Variants in MACROD2 observed in about 807,000 individuals in gnomAD.
MACROD2 encodes the protein mono-ADP ribosylhydrolase 2.
MACROD2 carries 36 observed loss-of-function variants against 70.4 expected under a neutral mutation model. That is an observed-to-expected ratio of 0.51 (90% CI 0.39 to 0.68). MACROD2 has a LOEUF of 0.68. Ranked by LOEUF, MACROD2 falls within the 30% of genes least tolerant of loss-of-function variation. MACROD2 has a pLI of 0.00. For synonymous variants in MACROD2, 172 were observed against 178.8 expected (o/e 0.96, Z 0.30); for missense variants, 496 against 538.4 (o/e 0.92, Z 0.78).
At chr20:15,241,576 C>T (rs891617435) in intron 6 of MACROD2, among the ~76,000 whole-genome samples, 40 of 152,044 alleles carry the variant, frequency 2.6e-4, no homozygotes, top group African/African-American at 9.2e-4. Context: ...AACTATGTAA[C>T]CAGGCCTGTA....
chr20:15,270,195 T>C (rs1016641397), intron 6 of MACROD2, among the ~76,000 whole-genome samples: 1 of 149,152 alleles, frequency 6.7e-6, no homozygotes, highest in Admixed American at 6.7e-5. Context: ...GTGTTTTCGG[T>C]CGCTTTATTT....
chr20:15,707,245 C>G (rs1257619781), intron 8 of MACROD2, among the ~76,000 whole-genome samples: 2 of 152,186 alleles, frequency 1.3e-5, no homozygotes, highest in East Asian at 3.8e-4. Context: ...CCCCAGAGAT[C>G]AATTAGCTCA....
At chr20:14,966,994 T>A (rs1430800976) in intron 5 of MACROD2, among the ~76,000 whole-genome samples, 1 of 151,680 alleles carries the variant, frequency 6.6e-6, no homozygotes, top group East Asian at 1.9e-4. Flanking sequence ...AAATAATTTA[T>A]GGTATGTGTG....
intron 8 of MACROD2, among the ~76,000 whole-genome samples, chr20:15,545,498 G>A (rs948685164): frequency 6.6e-6 from 1 of 152,214 alleles, no homozygotes; most frequent in African/African-American, 2.4e-5. Flanking sequence ...TAATCTTGGA[G>A]TGAGTCTGTT....
intron 5 of MACROD2, among the ~76,000 whole-genome samples, chr20:14,834,385 G>A (rs918303134): frequency 6.6e-6 from 1 of 151,792 alleles, no homozygotes; most frequent in African/African-American, 2.4e-5. Flanking sequence ...GGGCTAATTG[G>A]GCCTTGTCAT....
At chr20:14,454,675 C>T (rs1285996045) in intron 3 of MACROD2, among the ~76,000 whole-genome samples, 1 of 151,186 alleles carries the variant, frequency 6.6e-6, no homozygotes, top group Non-Finnish European at 1.5e-5. Flanking sequence ...ATTAAGAAAG[C>T]TAAGGCCCAG....
At chr20:15,313,959 G>A (rs1434533368) in intron 6 of MACROD2, among the ~76,000 whole-genome samples, 1 of 151,976 alleles carries the variant, frequency 6.6e-6, no homozygotes, top group Admixed American at 6.6e-5. Flanking sequence ...TTATTTTGTG[G>A]GTCTAATGAG....
chr20:14,544,233 T>G (rs1449817594), intron 4 of MACROD2, among the ~76,000 whole-genome samples: 1 of 115,756 alleles, frequency 8.6e-6, no homozygotes, highest in Non-Finnish European at 1.7e-5. Context: ...GATTCCTTCT[T>G]TTTTTTTTTT....
At chr20:15,176,181 AG>A (rs2076460330) in intron 5 of MACROD2, among the ~76,000 whole-genome samples, 1 of 152,144 alleles carries the variant, frequency 6.6e-6, no homozygotes, top group Admixed American at 6.5e-5. Flanking sequence ...GAAGCAAAGG[AG>A]GGGCTGAGGG....
chr20:14,701,213 T>G (rs1174117784), intron 5 of MACROD2, among the ~76,000 whole-genome samples: 1 of 152,204 alleles, frequency 6.6e-6, no homozygotes. Context: ...GCCTTTTGTA[T>G]TTCCATATGT....
intron 8 of MACROD2, among the ~76,000 whole-genome samples, chr20:15,687,008 T>C (rs6110738): frequency 4.3e-5 from 3 of 69,192 alleles, no homozygotes; most frequent in Middle Eastern, 6.0e-3. Context: ...TTTTTTTTTC[T>C]TTTTTTTTTG....
chr20:14,757,593 A>G, intron 5 of MACROD2: 1 of 1,116,040 alleles, frequency 9.0e-7, no homozygotes, highest in Non-Finnish European at 1.3e-6. Flanking sequence ...CCAGATTGCC[A>G]TTTATGACTC....
intron 3 of MACROD2, among the ~76,000 whole-genome samples, chr20:14,450,897 C>T (rs927465771): frequency 5.3e-5 from 8 of 152,036 alleles, no homozygotes; most frequent in Non-Finnish European, 1.0e-4. Flanking sequence ...GCATGAAGTT[C>T]GTTTTGTGGT....
chr20:14,259,909 A>G (rs1466642079), intron 3 of MACROD2, among the ~76,000 whole-genome samples: 1 of 152,198 alleles, frequency 6.6e-6, no homozygotes, highest in Non-Finnish European at 1.5e-5. Context: ...CAGCATTCCA[A>G]TGAGTTGTGT....
chr20:14,821,909 T>C (rs1480315968), intron 5 of MACROD2, among the ~76,000 whole-genome samples: 2 of 152,118 alleles, frequency 1.3e-5, no homozygotes, highest in Non-Finnish European at 2.9e-5. Flanking sequence ...GGCTGCCTGA[T>C]CTTATAGGTG....
chr20:15,748,612 A>G (rs1000628824), intron 8 of MACROD2, among the ~76,000 whole-genome samples: 2 of 152,112 alleles, frequency 1.3e-5, no homozygotes, highest in African/African-American at 2.4e-5. Flanking sequence ...CTCACCACCT[A>G]TAGCTCTGAA....
intron 8 of MACROD2, among the ~76,000 whole-genome samples, chr20:15,774,397 A>G (rs537513829): frequency 6.6e-6 from 1 of 152,204 alleles, no homozygotes; most frequent in South Asian, 2.1e-4. Flanking sequence ...TTTCCTTTTT[A>G]TACTGTGCTT....
intron 5 of MACROD2, among the ~76,000 whole-genome samples, chr20:14,890,494 G>C (rs760951517): frequency 1.3e-5 from 2 of 152,114 alleles, no homozygotes; most frequent in African/African-American, 2.4e-5. Context: ...GGGGCTGGGT[G>C]CAGTGGCTCA....
chr20:14,158,637 T>C (rs1225028791), intron 3 of MACROD2, among the ~76,000 whole-genome samples: 1 of 152,172 alleles, frequency 6.6e-6, no homozygotes, highest in Non-Finnish European at 1.5e-5. Context: ...GGATATCCAG[T>C]TTTCCCAGCA....
Sources: allele counts gnomAD v4.1 joint callset (sites outside exome capture counted in the v4.1 genomes callset), GRCh38; gene constraint gnomAD v4.1.1; transcripts MANE v1.5; gene names NCBI Gene and HGNC (gene_info 2026-07-23, HGNC 2026-07-21).